The following TBCD variants were observed in gnomAD, a reference collection of about 807,000 sequenced individuals.
The protein encoded by TBCD is tubulin folding cofactor D, also known as tubulin-specific chaperone D.
A neutral mutation model predicts 169.3 loss-of-function variants in TBCD; 105 were observed. The ratio of observed to expected loss-of-function variants is 0.62; its 90% CI spans 0.53 to 0.73. The LOEUF is 0.73. Ranked by LOEUF, TBCD falls within the 30% of genes least tolerant of loss-of-function variation. TBCD has a pLI of 0.00. For synonymous variants in TBCD, 700 were observed against 643.9 expected (o/e 1.09, Z -1.32); for missense variants, 1,444 against 1,600.1 (o/e 0.90, Z 1.66).
intron 18 of TBCD, among the ~76,000 whole-genome samples, chr17:82,901,607 A>G (rs1297913395): frequency 3.7e-5 from 5 of 134,900 alleles, no homozygotes; most frequent in Non-Finnish European, 6.3e-5. Context: ...GGAGCGGCCC[A>G]GCTGCCTACT....
chr17:82,925,282 T>G (rs748266637), intron 27 of TBCD, among the ~76,000 whole-genome samples: 3 of 152,218 alleles, frequency 2.0e-5, no homozygotes. Flanking sequence ...GAGGACAGAC[T>G]TGAAAAAGCT....
Position 82,757,949 on chromosome 17 carries a change from C to G in TBCD, c.235+1734C>G, listed in dbSNP as rs117439517. Among the ~76,000 whole-genome samples, 415 of 152,294 alleles carry G rather than the reference C, an allele frequency of 2.7e-3. 18 individuals carry two copies. In the East Asian group the frequency reaches 0.071, roughly 26 times the overall value. On this transcript the variant is annotated intron_variant, in intron 2 of 38. Transcript: ENST00000355528. ...AAGGTAGCGGGTGGTGTTTTTATAT[C>G]TCTTCAAGTAACAACGTTGGACCTG...
intron 12 of TBCD, 37 bp from the exon 13 acceptor site, chr17:82,814,803 A>G (rs1447790476): frequency 6.2e-7 from 1 of 1,607,682 alleles, no homozygotes; most frequent in East Asian, 2.2e-5. Flanking sequence ...AAAAGCTGAC[A>G]CGTGGGCTGT....
intron 35 of TBCD, chr17:82,937,761 C>T: frequency 2.8e-6 from 3 of 1,077,134 alleles, no homozygotes; most frequent in Non-Finnish European, 3.9e-6. Context: ...CTTGGCTGCT[C>T]TGTGGCTCCT....
chr17:82,897,855 G>GC (rs2146564948), intron 17 of TBCD, among the ~76,000 whole-genome samples: 2 of 152,354 alleles, frequency 1.3e-5, no homozygotes, highest in South Asian at 4.1e-4. Flanking sequence ...GGGGCTTTGA[G>GC]CCCCCGTGGG....
At chr17:82,846,074 G>A (rs1460743905) in intron 13 of TBCD, among the ~76,000 whole-genome samples, 1 of 152,222 alleles carries the variant, frequency 6.6e-6, no homozygotes, top group Non-Finnish European at 1.5e-5. Context: ...GGCACCTCTC[G>A]CCTGGCTGTG....
chr17:82,919,188 A>G (rs2061264356), intron 23 of TBCD, among the ~76,000 whole-genome samples: 2 of 152,176 alleles, frequency 1.3e-5, no homozygotes, highest in South Asian at 4.1e-4. Flanking sequence ...CTGAGTTTAA[A>G]GAAGACCCTG....
chr17:82,784,805 C>T (rs1450021390), intron 7 of TBCD, among the ~76,000 whole-genome samples: 2 of 152,146 alleles, frequency 1.3e-5, no homozygotes, highest in African/African-American at 2.4e-5. Context: ...GTATGACATG[C>T]GTGTGGAAGA....
At chr17:82,815,530 G>A (rs2051821237) in intron 13 of TBCD, among the ~76,000 whole-genome samples, 1 of 152,256 alleles carries the variant, frequency 6.6e-6, no homozygotes, top group Non-Finnish European at 1.5e-5. Flanking sequence ...GCACAGCATG[G>A]CAGATGCAGG....
At chr17:82,849,961 C>CTGTTGGCTGTGCTGT (rs1567886647) in intron 13 of TBCD, among the ~76,000 whole-genome samples, 23,276 of 104,424 alleles carry the variant, frequency 0.22, 4,705 homozygotes, top group East Asian at 0.33. Flanking sequence ...GCCTGTGCTG[C>CTGTTGGCTGTGCTGT]TGTTGGCTGT....
rs775199358 is a variant in TBCD at position 82,937,402 on chromosome 17, C to T, written c.3281+42C>T. 9.6e-5 allele frequency: 152 copies of T among 1,581,656 alleles called. No individual in the cohort carries two copies. The East Asian group carries it at 2.6e-3, about 27-fold the overall frequency. ...GCTGGCCTTAGACGGAATGGCAGGG[C>T]GCAGCCTCCCTTGGCTGAGGGCAGG... On this transcript the variant is annotated intron_variant, in intron 35 of 38. Coordinates refer to ENST00000355528, the MANE Select transcript of TBCD (RefSeq NM_005993.5).
intron 13 of TBCD, among the ~76,000 whole-genome samples, chr17:82,839,361 A>G (rs556637344): frequency 1.1e-4 from 17 of 152,152 alleles, no homozygotes; most frequent in African/African-American, 2.9e-4. Flanking sequence ...ACATATATAT[A>G]ACCCTAAATT....
chr17:82,753,530 C>T (rs1237963150), intron 1 of TBCD, among the ~76,000 whole-genome samples: 4 of 143,304 alleles, frequency 2.8e-5, no homozygotes, highest in Non-Finnish European at 6.0e-5. Flanking sequence ...GATCTTGGCT[C>T]ACTGCAACCT....
Position 82,915,739 on chromosome 17 carries a change from C to T in TBCD, c.2038+3950C>T, listed in dbSNP as rs751143351. The stretch of plus-strand genomic sequence containing the variant: ...CTGGCTCACAGCCTTGCACCAGAGG[C>T]GTCACGAGAATCAGGAAAAGTTCTC... On this transcript the variant is annotated intron_variant, in intron 23 of 38. Coordinates refer to ENST00000355528, the MANE Select transcript of TBCD (RefSeq NM_005993.5). The surrounding 1 kb of genome is among the most constrained non-coding windows in gnomAD (Gnocchi z 4.3). Among the ~76,000 whole-genome samples, 7 of 152,162 alleles carry T rather than the reference C, an allele frequency of 4.6e-5. No homozygotes were observed. Among genetic ancestry groups the T allele is most frequent in the Non-Finnish European group, 8.8e-5 (6 of 68,024 alleles).
chr17:82,786,067 A>G (rs1178187247), intron 7 of TBCD, among the ~76,000 whole-genome samples: 2 of 151,986 alleles, frequency 1.3e-5, no homozygotes, highest in African/African-American at 4.8e-5. Flanking sequence ...GGCCTTCATG[A>G]TCGTGTTCTG....
intron 12 of TBCD, among the ~76,000 whole-genome samples, chr17:82,811,331 C>T (rs549819008): frequency 6.6e-6 from 1 of 152,262 alleles, no homozygotes; most frequent in Non-Finnish European, 1.5e-5. Context: ...GTGTCTTTCC[C>T]TCCACAACGT....
chr17:82,758,394 A>AAAAAAAT (rs1555672593), intron 2 of TBCD, among the ~76,000 whole-genome samples: 17 of 129,272 alleles, frequency 1.3e-4, no homozygotes, highest in African/African-American at 4.3e-4. Context: ...GAAAAAAAAA[A>AAAAAAAT]AAAAAAAAAT....
At position 82,884,117 on chromosome 17, in the gene TBCD, T is replaced by C. The variant is rs1567954572; in HGVS notation, c.1476-28T>C. On this transcript the variant is annotated intron_variant, in intron 14 of 38. Transcript: ENST00000355528. This position sits in a 1 kb window ranked among gnomAD's most constrained non-coding sequence, Gnocchi z 4.2. ...TCTGTACTGTTTTGCAGAATTTCTT[T>C]TTAATTAATCCTTTCTCTTTTTCAC... is the stretch of plus-strand genomic sequence containing the variant. 1 of 1,585,950 alleles carries C rather than the reference T, an allele frequency of 6.3e-7. No individual in the cohort carries two copies. Among genetic ancestry groups the C allele is most frequent in the South Asian group, 1.1e-5 (1 of 87,158 alleles).
In TBCD at chr17:82,909,149, G is replaced by C. The variant is rs1419178347; in HGVS notation, c.1984-136G>C. On this transcript the variant is annotated intron_variant, in intron 21 of 38. Transcript: ENST00000355528. ...GTCAGTAGGTGGGCCTCCGTCCTCA[G>C]CCCCCTAGGCGGCTCTCCTGGCTGG... 12 of 636,358 alleles carry C rather than the reference G, an allele frequency of 1.9e-5. No individual in the cohort carries two copies. The South Asian group carries it at 2.1e-4, about 11-fold the overall frequency. The allele number at this position is 636,358 out of a possible 1,614,324, so 39.4% of individuals were successfully genotyped here.
Sources: gnomAD v4.1 joint callset for allele counts (sites outside exome capture counted in the v4.1 genomes callset) on GRCh38, gnomAD v4.1.1 for gene constraint, Gnocchi (gnomAD v3.1) non-coding constraint, MANE v1.5 for transcripts, NCBI Gene and HGNC (gene_info 2026-07-23, HGNC 2026-07-21) for gene names.